The following AANAT variants were observed in gnomAD, a reference collection of about 807,000 sequenced individuals.
The protein encoded by AANAT is aralkylamine N-acetyltransferase, also known as serotonin N-acetyltransferase.
AANAT carries 11 observed loss-of-function variants against 15.6 expected under a neutral mutation model. The ratio of observed to expected loss-of-function variants is 0.71; its 90% CI spans 0.44 to 1.17. The LOEUF (loss-of-function observed/expected upper bound fraction) is 1.17, where lower values mean the gene tolerates loss of function less well. Ranked by LOEUF, AANAT falls within the 50% of genes most tolerant of loss-of-function variation. The probability of loss-of-function intolerance (pLI) is 0.00; values close to 1 mark genes in which losing one functional copy is unlikely to be tolerated. For missense variants in AANAT, 286 were observed against 296.3 expected, an observed-to-expected ratio of 0.97 and a Z score of 0.26; for synonymous variants, 139 against 131.5, an observed-to-expected ratio of 1.06 and a Z score of -0.39.
intron 2 of AANAT, among the ~76,000 whole-genome samples, chr17:76,460,886 C>T (rs892062105): frequency 1.3e-4 from 20 of 152,068 alleles, no homozygotes; most frequent in Non-Finnish European, 2.5e-4. Flanking sequence ...GACTCTGGGC[C>T]GGGCGTGGTG....
chr17:76,460,200 G>C (rs974415584), intron 2 of AANAT, among the ~76,000 whole-genome samples: 1 of 135,582 alleles, frequency 7.4e-6, no homozygotes, highest in African/African-American at 2.9e-5. Flanking sequence ...TCAGGCTGGA[G>C]TGTCCTGGCA....
intron 1 of AANAT, among the ~76,000 whole-genome samples, chr17:76,455,514 T>A (rs1027183881): frequency 6.6e-6 from 1 of 152,218 alleles, no homozygotes; most frequent in African/African-American, 2.4e-5. Flanking sequence ...AGATACATTC[T>A]CAGAGGACAG....
chr17:76,461,874 A>C (rs905979969), intron 2 of AANAT, among the ~76,000 whole-genome samples: 1 of 152,170 alleles, frequency 6.6e-6, no homozygotes, highest in Non-Finnish European at 1.5e-5. Context: ...CGCCTCCTGA[A>C]GTTAAGGAAC....
At position 76,470,002 on chromosome 17, in the gene AANAT, C is replaced by A; in HGVS notation, c.*32C>A. 2 of 1,447,508 alleles carry A rather than the reference C, an allele frequency of 1.4e-6. No homozygotes were observed. Among genetic ancestry groups the A allele is most frequent in the South Asian group, 1.5e-5 (1 of 68,504 alleles). 89.7% of individuals were successfully genotyped at this position (1,447,508 alleles called of 1,614,324 possible). ...CTGCCCACCTGGCTGCCAACATGAT[C>A]CCCGTCTCTGCCCTGGGCTCCTCTT... On this transcript the variant is annotated 3_prime_UTR_variant, in exon 4 of 4. Coordinates refer to ENST00000392492, the MANE Select transcript of AANAT (RefSeq NM_001088.3).
At chr17:76,465,188 A>G (rs2073426161), upstream of AANAT, among the ~76,000 whole-genome samples, 2 of 152,134 alleles carry the variant, frequency 1.3e-5, no homozygotes, top group South Asian at 4.2e-4. Context: ...CCCCATCCCC[A>G]AGATCCACCT....
upstream of AANAT, among the ~76,000 whole-genome samples, chr17:76,465,142 C>A (rs1008892094): frequency 6.6e-6 from 1 of 152,036 alleles, no homozygotes; most frequent in African/African-American, 2.4e-5. Context: ...AGTGACTGAA[C>A]AGGTACGACT....
At chr17:76,464,260 T>C (rs1416145469), upstream of AANAT, among the ~76,000 whole-genome samples, 1 of 150,270 alleles carries the variant, frequency 6.7e-6, no homozygotes, top group Non-Finnish European at 1.5e-5. Context: ...GAGAATTGCT[T>C]GAACCTGGGA....
chr17:76,454,835 AC>A (rs1158834131), intron 1 of AANAT, among the ~76,000 whole-genome samples: 2 of 149,720 alleles, frequency 1.3e-5, no homozygotes, highest in African/African-American at 4.9e-5. Flanking sequence ...AAAACAAAAA[AC>A]AAAAAAAAGG....
chr17:76,455,959 G>A (rs1045624626), intron 1 of AANAT, among the ~76,000 whole-genome samples: 2 of 152,166 alleles, frequency 1.3e-5, no homozygotes, highest in African/African-American at 4.8e-5. Context: ...GTTACAGTGA[G>A]CCAAGAACAC....
intron 1 of AANAT, among the ~76,000 whole-genome samples, chr17:76,456,392 G>A (rs944759165): frequency 6.6e-6 from 1 of 151,956 alleles, no homozygotes; most frequent in Middle Eastern, 3.4e-3. Context: ...TACTTAAGAT[G>A]TCTTAGGCCA....
intron 1 of AANAT, among the ~76,000 whole-genome samples, chr17:76,468,248 C>T (rs766932578): frequency 3.3e-5 from 5 of 152,152 alleles, no homozygotes; most frequent in African/African-American, 4.8e-5. Context: ...GTGGGGGAAC[C>T]GGGCGCCCAC....
At chr17:76,460,901 A>G (rs2073381857) in intron 2 of AANAT, among the ~76,000 whole-genome samples, 1 of 152,018 alleles carries the variant, frequency 6.6e-6, no homozygotes, top group Admixed American at 6.5e-5. Context: ...GTGGTGGCTC[A>G]TGCCTATAAT....
At chr17:76,463,783 G>A (rs993444752), upstream of AANAT, among the ~76,000 whole-genome samples, 6 of 152,096 alleles carry the variant, frequency 3.9e-5, no homozygotes, top group Admixed American at 2.6e-4. Flanking sequence ...TCCTTTCCCT[G>A]CTAACAGTGG....
chr17:76,456,848 A>G (rs749281399), intron 1 of AANAT, among the ~76,000 whole-genome samples: 1 of 152,170 alleles, frequency 6.6e-6, no homozygotes, highest in Non-Finnish European at 1.5e-5. Context: ...ACCTCATTTT[A>G]CCAATGAAGA....
In AANAT at chr17:76,469,188, T is replaced by C; in HGVS notation, c.179T>C (p.Leu60Ser). The C allele has an allele frequency of 6.2e-7, 1 of 1,614,104 alleles. No individual in the cohort carries two copies. Among genetic ancestry groups the C allele is most frequent in the Non-Finnish European group, 8.5e-7 (1 of 1,180,012 alleles). ...EIEREAFISV[L>S]GVCPLYLDEI... is the part of the protein sequence containing the mutation. ...CCTGCCACAGCCTTCATCTCCGTCTTGGGCGTCTGCCCCCTGTACCTGGAT... is the reference window on the plus strand; with the variant it reads ...CCTGCCACAGCCTTCATCTCCGTCTCGGGCGTCTGCCCCCTGTACCTGGAT... The change falls in exon 3 of 4, where the codon TTG becomes TCG. Residue 60 changes from leucine (L) to serine (S), a missense_variant. Physicochemically the swap from Leu to Ser is moderately radical, Grantham distance 145. Transcript: ENST00000392492. This position sits in a 1 kb window ranked among gnomAD's most constrained non-coding sequence, Gnocchi z 5.2.
chr17:76,467,176 T>C (rs1040758013), upstream of AANAT, among the ~76,000 whole-genome samples: 1 of 152,162 alleles, frequency 6.6e-6, no homozygotes, highest in Non-Finnish European at 1.5e-5. Context: ...AGATGTTTGG[T>C]AGGGCAACCT....
chr17:76,458,256 C>T (rs376993971), intron 1 of AANAT, among the ~76,000 whole-genome samples: 60 of 152,078 alleles, frequency 3.9e-4, no homozygotes, highest in African/African-American at 7.2e-4. Flanking sequence ...CCTACCCATC[C>T]GATGGTGTCT....
At position 76,469,871 on chromosome 17, in the gene AANAT, C is replaced by T. The variant is rs1271317209; in HGVS notation, c.525C>T (p.Ala175=). 6.9e-6 allele frequency: 11 copies of T among 1,593,086 alleles called. 1 individual carries two copies. The highest frequency in any genetic ancestry group is 5.7e-5 in the South Asian group (5 of 87,952). ...TCTATGAGAGGTTCAGCTTCCACGC[C>T]GTGGGCCCCTGCGCCATCACCGTGG... ...VPFYERFSFH[A]VGPCAITVGS... Residue 175 remains alanine, a synonymous_variant, in exon 4 of 4, where the codon GCC becomes GCT. Coordinates refer to ENST00000392492, the MANE Select transcript of AANAT (RefSeq NM_001088.3). This position sits in a 1 kb window ranked among gnomAD's most constrained non-coding sequence, Gnocchi z 5.2.
At chr17:76,462,596 T>A (rs957130554) in intron 3 of AANAT, 1 of 152,264 alleles carries the variant, frequency 6.6e-6, no homozygotes, top group African/African-American at 2.4e-5. Context: ...CCCTGCTCCA[T>A]GGTAGGGGTC....
Sources: gnomAD v4.1 joint callset for allele counts (sites outside exome capture counted in the v4.1 genomes callset) on GRCh38, gnomAD v4.1.1 for gene constraint, Gnocchi (gnomAD v3.1) non-coding constraint, MANE v1.5 for transcripts, NCBI Gene and HGNC (gene_info 2026-07-23, HGNC 2026-07-21) for gene names.